SPEN: variants seen among roughly 807,000 people sequenced by gnomAD.
SPEN encodes the protein msx2-interacting protein.
SPEN carries 18 observed loss-of-function variants against 269.9 expected under a neutral mutation model. The observed-to-expected ratio is 0.07, with a 90% CI of 0.05 to 0.10. The LOEUF (loss-of-function observed/expected upper bound fraction) is 0.10, where lower values mean the gene tolerates loss of function less well. Ranked by LOEUF, SPEN falls within the 10% of genes least tolerant of loss-of-function variation. The probability of loss-of-function intolerance (pLI) is 1.00; values close to 1 mark genes in which losing one functional copy is unlikely to be tolerated. For missense variants in SPEN, 3,822 were observed against 4,631.2 expected, an observed-to-expected ratio of 0.83 and a Z score of 5.07; for synonymous variants, 1,726 against 1,765.7, an observed-to-expected ratio of 0.98 and a Z score of 0.56.
chr1:15,911,350 T>A (rs781051113), intron 5 of SPEN, 49 bp downstream of exon 5: 10 of 1,487,122 alleles, frequency 6.7e-6, no homozygotes, highest in Non-Finnish European at 7.5e-6. Flanking sequence ...ACACACTGTT[T>A]GTGTTGCAGT....
chr1:15,906,092 A>G (rs1017829492), intron 3 of SPEN, among the ~76,000 whole-genome samples: 5 of 152,214 alleles, frequency 3.3e-5, no homozygotes, highest in Admixed American at 1.3e-4. Flanking sequence ...ATAATCTTGT[A>G]TTAATATTAC....
At chr1:15,902,995 G>GT (rs1458579836) in intron 3 of SPEN, among the ~76,000 whole-genome samples, 1 of 151,908 alleles carries the variant, frequency 6.6e-6, no homozygotes, top group East Asian at 1.9e-4. Context: ...CATATTTGCC[G>GT]TAAGTGAATG....
At chr1:15,862,793 G>C (rs910713340) in intron 1 of SPEN, among the ~76,000 whole-genome samples, 12 of 149,134 alleles carry the variant, frequency 8.0e-5, no homozygotes, top group Non-Finnish European at 1.5e-4. Context: ...ACGGAGTCTC[G>C]CTCTGTCGCC....
chr1:15,931,416 G>A lies in SPEN; in HGVS notation c.5176G>A (p.Asp1726Asn), dbSNP rs1210776894. Residue 1726 changes from aspartate to asparagine, a missense_variant, in exon 11 of 15, where the codon GAC becomes AAC. This residue lies in a region of SPEN where 533 missense variants were observed against 618.8 expected (regional missense o/e 0.86). Transcript: ENST00000375759. The surrounding 1 kb of genome is among the most constrained non-coding windows in gnomAD (Gnocchi z 4.8). ...GGGTGTTGAGGAAGGTTCATCAGGT[G>A]ACCAGCCGCCTTATCTGGATGCCAA... Reference protein sequence around the residue: ...PAGVEEGSSGDQPPYLDAKPP... With the variant: ...PAGVEEGSSGNQPPYLDAKPP... 1.2e-6 allele frequency: 2 copies of A among 1,614,146 alleles called. No individual in the cohort carries two copies. The highest frequency in any genetic ancestry group is 8.5e-7 in the Non-Finnish European group (1 of 1,180,034).
At chr1:15,881,505 A>G (rs978107172) in intron 3 of SPEN, among the ~76,000 whole-genome samples, 3 of 152,234 alleles carry the variant, frequency 2.0e-5, no homozygotes, top group Non-Finnish European at 2.9e-5. Context: ...TGAAAGAACA[A>G]GACTGAGTGG....
rs1033063507 is a variant in SPEN, at chr1:15,939,535, C to G, written c.*108C>G. 1.5e-6 allele frequency: 2 copies of G among 1,352,240 alleles called. No individual in the cohort carries two copies. The highest frequency in any genetic ancestry group is 9.8e-7 in the Non-Finnish European group (1 of 1,021,384). 83.8% of individuals were successfully genotyped at this position (1,352,240 alleles called of 1,614,324 possible). Reference sequence around the variant, plus strand: ...AAGCTGCCGAAGGGGACAGACTCCACTGCCAGACGGCCAGCCGTTTGCTGT... The same window carrying G: ...AAGCTGCCGAAGGGGACAGACTCCAGTGCCAGACGGCCAGCCGTTTGCTGT... On this transcript the variant is annotated 3_prime_UTR_variant, in exon 15 of 15. Transcript: ENST00000375759. The surrounding 1 kb of genome is among the most constrained non-coding windows in gnomAD (Gnocchi z 4.1).
At chr1:15,870,943 A>G (rs1160752727) in intron 1 of SPEN, among the ~76,000 whole-genome samples, 1 of 152,166 alleles carries the variant, frequency 6.6e-6, no homozygotes, top group East Asian at 1.9e-4. Context: ...CTAGGGATCT[A>G]TGTTTTGTTC....
rs1291967335 is a variant in SPEN at position 15,933,834 on chromosome 1, A to G, written c.7594A>G (p.Ser2532Gly). The change falls in exon 11 of 15, where the codon AGC (serine) becomes GGC (glycine). Residue 2532 changes from serine to glycine, a missense_variant. Ser to Gly is a moderately conservative substitution (Grantham distance 56). Coordinates refer to ENST00000375759, the MANE Select transcript of SPEN (RefSeq NM_015001.3). This position sits in a 1 kb window ranked among gnomAD's most constrained non-coding sequence, Gnocchi z 5.7. ...GGCCTCTGATGTTGACACCAGCTCC[A>G]GCACCCTGAGGAAGATTCTCATGGA... is the stretch of plus-strand genomic sequence containing the variant. ...TKASDVDTSSSTLRKILMDPK... is the reference protein window; with the variant it reads ...TKASDVDTSSGTLRKILMDPK... 1 of 1,613,346 alleles carries G rather than the reference A, an allele frequency of 6.2e-7. No individual in the cohort carries two copies. Among genetic ancestry groups the G allele is most frequent in the East Asian group, 2.2e-5 (1 of 44,880 alleles).
rs1476944958 is a variant in SPEN at position 15,895,872 on chromosome 1, T to TG, written c.882-13445dup. Among the ~76,000 whole-genome samples the TG allele has an allele frequency of 4.6e-5, 7 of 151,838 alleles. No individual in the cohort carries two copies. In the East Asian group the frequency reaches 1.4e-3, roughly 29 times the overall value. On this transcript the variant is annotated intron_variant, in intron 3 of 14. Transcript: ENST00000375759. ...TTTTTTTTTATATTTTTATTAGAGTTGGGGTTTCTCCATGTTGGCCAGGCT... is the reference window on the plus strand; with the variant it reads ...TTTTTTTTTATATTTTTATTAGAGTTGGGGGTTTCTCCATGTTGGCCAGGCT...
At chr1:15,895,638 A>G (rs1329064589) in intron 3 of SPEN, among the ~76,000 whole-genome samples, 1 of 150,446 alleles carries the variant, frequency 6.6e-6, no homozygotes, top group Non-Finnish European at 1.5e-5. Context: ...AACATTAACT[A>G]CTGCTGTAAT....
intron 1 of SPEN, among the ~76,000 whole-genome samples, chr1:15,871,414 C>T (rs1318352331): frequency 6.6e-6 from 1 of 152,128 alleles, no homozygotes; most frequent in Admixed American, 6.6e-5. Flanking sequence ...GATCTTGGCA[C>T]ACTGCAATCT....
intron 3 of SPEN, among the ~76,000 whole-genome samples, chr1:15,878,829 G>A (rs2070658301): frequency 6.6e-6 from 1 of 151,868 alleles, no homozygotes; most frequent in Admixed American, 6.6e-5. Flanking sequence ...GGCCAACATG[G>A]TGAAACCCTG....
At chr1:15,891,452 C>T (rs1295941239) in intron 3 of SPEN, among the ~76,000 whole-genome samples, 5 of 151,348 alleles carry the variant, frequency 3.3e-5, no homozygotes, top group East Asian at 1.9e-4. Flanking sequence ...CCTGGGTTCA[C>T]GCCATTCTCC....
intron 3 of SPEN, among the ~76,000 whole-genome samples, chr1:15,904,773 T>C (rs375651890): frequency 6.6e-6 from 1 of 151,876 alleles, no homozygotes; most frequent in South Asian, 2.1e-4. Context: ...AATAATGGCC[T>C]GTGATAATGT....
intron 5 of SPEN, among the ~76,000 whole-genome samples, 163 bp from the exon 6 acceptor site, chr1:15,915,965 G>A (rs1419519198): frequency 1.3e-5 from 2 of 152,028 alleles, no homozygotes; most frequent in African/African-American, 4.8e-5. Context: ...GAGTTAATAA[G>A]GGGTGGCTAT....
chr1:15,939,335 T>A lies in SPEN; in HGVS notation c.10903T>A (p.Ser3635Thr). 6.2e-7 allele frequency: 1 copy of A among 1,606,116 alleles called. No homozygotes were observed. Among genetic ancestry groups the A allele is most frequent in the Non-Finnish European group, 8.5e-7 (1 of 1,176,062 alleles). ...GCAGATCTTCCCGCCCTGTGAGTTC[T>A]CTGAGAGTCACCTGTCCCGCCTGGC... ...VLQIFPPCEFSESHLSRLAPD... is the reference protein window; with the variant it reads ...VLQIFPPCEFTESHLSRLAPD... The change falls in exon 15 of 15, where the codon TCT becomes ACT. Residue 3635 changes from serine to threonine, a missense_variant. Ser to Thr is a moderately conservative substitution (Grantham distance 58, BLOSUM62 1). Transcript: ENST00000375759. The surrounding 1 kb of genome is among the most constrained non-coding windows in gnomAD (Gnocchi z 4.1).
At chr1:15,877,742 T>C (rs992445362) in intron 3 of SPEN, among the ~76,000 whole-genome samples, 1 of 141,106 alleles carries the variant, frequency 7.1e-6, no homozygotes, top group Non-Finnish European at 1.5e-5. Flanking sequence ...CTTTCCCTTT[T>C]TTTTTTTTTT....
chr1:15,879,176 A>G (rs554141519), intron 3 of SPEN, among the ~76,000 whole-genome samples: 13 of 152,160 alleles, frequency 8.5e-5, no homozygotes, highest in Middle Eastern at 3.4e-3. Flanking sequence ...CCCTGTCTCT[A>G]CTAAAAATAC....
In SPEN at chr1:15,934,279, A is replaced by G. The variant is rs1252307436; in HGVS notation, c.8039A>G (p.Lys2680Arg). The change falls in exon 11 of 15, where the codon AAA (lysine) becomes AGA (arginine). Residue 2680 changes from lysine (K) to arginine (R), a missense_variant. This residue lies in a region of SPEN where 329 missense variants were observed against 431.2 expected (regional missense o/e 0.76). Coordinates refer to ENST00000375759, the MANE Select transcript of SPEN (RefSeq NM_015001.3). This position sits in a 1 kb window ranked among gnomAD's most constrained non-coding sequence, Gnocchi z 9.2. Reference sequence around the variant, plus strand: ...GTGAAGGGCTCAGTGACCACACTGAAAAGTTTGGTGAGCACCCCTGCTGGG... The same window carrying G: ...GTGAAGGGCTCAGTGACCACACTGAGAAGTTTGGTGAGCACCCCTGCTGGG... The part of the protein sequence containing the change: ...GPVKGSVTTL[K>R]SLVSTPAGPV... 1 of 1,614,242 alleles carries G rather than the reference A, an allele frequency of 6.2e-7. No individual in the cohort carries two copies. The highest frequency in any genetic ancestry group is 1.1e-5 in the South Asian group (1 of 91,088).
Sources: allele counts gnomAD v4.1 joint callset (sites outside exome capture counted in the v4.1 genomes callset), GRCh38; gene constraint gnomAD v4.1.1; regional missense constraint gnomAD v4.1.1; non-coding constraint Gnocchi (gnomAD v3.1); transcripts MANE v1.5; gene names NCBI Gene and HGNC (gene_info 2026-07-23, HGNC 2026-07-21).